Variants in RIMBP2 observed in about 807,000 individuals in gnomAD.
The protein encoded by RIMBP2 is RIMS-binding protein 2.
RIMBP2 carries 48 observed loss-of-function variants against 118.6 expected under a neutral mutation model. The ratio of observed to expected loss-of-function variants is 0.40; its 90% CI spans 0.32 to 0.51. RIMBP2 has a LOEUF of 0.51. Among genes scored for constraint, RIMBP2 ranks in the 20% least tolerant of loss-of-function variants. The pLI is 0.41. For missense variants in RIMBP2, 1,551 were observed against 1,768.3 expected, an observed-to-expected ratio of 0.88 and a Z score of 2.20; for synonymous variants, 762 against 742.9, an observed-to-expected ratio of 1.03 and a Z score of -0.42.
At chr12:130,614,531 T>C (rs1566370240) in intron 2 of RIMBP2, among the ~76,000 whole-genome samples, 1 of 152,106 alleles carries the variant, frequency 6.6e-6, no homozygotes, top group Non-Finnish European at 1.5e-5. Context: ...TGAGAAACCA[T>C]CTCTTGGAGG....
At chr12:130,686,628 G>A (rs1418454456) in intron 1 of RIMBP2, among the ~76,000 whole-genome samples, 1 of 152,248 alleles carries the variant, frequency 6.6e-6, no homozygotes, top group East Asian at 1.9e-4. Flanking sequence ...AGCAAACGCT[G>A]GCACAGCCGT....
intron 4 of RIMBP2, among the ~76,000 whole-genome samples, chr12:130,479,534 C>T (rs1028293078): frequency 2.6e-5 from 4 of 152,074 alleles, no homozygotes; most frequent in African/African-American, 7.2e-5. Flanking sequence ...GTCATCCTTG[C>T]CCATCGGGCA....
chr12:130,593,438 T>C (rs1460293649), intron 2 of RIMBP2, among the ~76,000 whole-genome samples: 1 of 152,250 alleles, frequency 6.6e-6, no homozygotes, highest in Non-Finnish European at 1.5e-5. Flanking sequence ...ACCAATCTTG[T>C]TAGCCGTGGG....
intron 3 of RIMBP2, among the ~76,000 whole-genome samples, chr12:130,513,601 A>G (rs2051144284): frequency 6.6e-6 from 1 of 152,206 alleles, no homozygotes; most frequent in African/African-American, 2.4e-5. Context: ...TTAGTTTTGC[A>G]GCTTCAAAGG....
At chr12:130,660,364 C>T (rs1033777083) in intron 1 of RIMBP2, 2 of 36,778 alleles carry the variant, frequency 5.4e-5, no homozygotes, top group African/African-American at 1.3e-4. Context: ...TCTCTGGAAT[C>T]TCATGGGAAT....
At position 130,451,237 on chromosome 12, in the gene RIMBP2, G is replaced by A; in HGVS notation, c.462C>T (p.Phe154=). 6.2e-7 allele frequency: 1 copy of A among 1,614,186 alleles called. No homozygotes were observed. The change falls in exon 8 of 23, where the codon TTC becomes TTT. Residue 154 remains phenylalanine, a synonymous_variant. Transcript: ENST00000690449. ...RPEPLSAKPT[F]LSRSGSARCR... ...ATCTTGCGCTACCGGATCTCGACAGGAAGGTGGGCTTGGCGGACAGAGGCT... is the reference window on the plus strand; with the variant it reads ...ATCTTGCGCTACCGGATCTCGACAGAAAGGTGGGCTTGGCGGACAGAGGCT...
chr12:130,654,129 T>G (rs922737217), intron 1 of RIMBP2, among the ~76,000 whole-genome samples: 2 of 152,238 alleles, frequency 1.3e-5, no homozygotes, highest in African/African-American at 4.8e-5. Flanking sequence ...TTGAAAATGC[T>G]TTTTCCTTCT....
intron 1 of RIMBP2, among the ~76,000 whole-genome samples, chr12:130,634,366 A>G (rs887900528): frequency 2.6e-5 from 4 of 152,182 alleles, no homozygotes; most frequent in Non-Finnish European, 4.4e-5. Context: ...GCTCACCTGC[A>G]CCAGGAGTCC....
In RIMBP2 at chr12:130,469,530, T is replaced by G. The variant is rs956304509; in HGVS notation, c.153+1163A>C. On this transcript the variant is annotated intron_variant, in intron 6 of 22. Coordinates refer to ENST00000690449, the MANE Select transcript of RIMBP2 (RefSeq NM_001393629.1). This position sits in a 1 kb window ranked among gnomAD's most constrained non-coding sequence, Gnocchi z 4.8. ...AGATAAATGGCCATTTGGAGGTCTGTTTCTATTCTCCCAGGTTATATATTT... is the reference window on the plus strand; with the variant it reads ...AGATAAATGGCCATTTGGAGGTCTGGTTCTATTCTCCCAGGTTATATATTT... Among the ~76,000 whole-genome samples, 6 of 152,176 alleles carry G rather than the reference T, an allele frequency of 3.9e-5. No individual in the cohort carries two copies. Among genetic ancestry groups the G allele is most frequent in the Non-Finnish European group, 8.8e-5 (6 of 68,024 alleles).
At chr12:130,656,927 T>C (rs1208363473) in intron 1 of RIMBP2, among the ~76,000 whole-genome samples, 3 of 152,086 alleles carry the variant, frequency 2.0e-5, no homozygotes, top group Admixed American at 2.0e-4. Flanking sequence ...TAAAACGGTC[T>C]CACTCTTTCA....
At chr12:130,409,060 T>C (rs1172921059) in intron 19 of RIMBP2, among the ~76,000 whole-genome samples, 1 of 152,214 alleles carries the variant, frequency 6.6e-6, no homozygotes, top group Non-Finnish European at 1.5e-5. Flanking sequence ...TTACAGGGAA[T>C]GTTACAAGTA....
intron 2 of RIMBP2, among the ~76,000 whole-genome samples, chr12:130,570,116 G>C (rs2057517296): frequency 6.6e-6 from 1 of 152,054 alleles, no homozygotes; most frequent in Admixed American, 6.6e-5. Flanking sequence ...CTCTCTCTCT[G>C]TGATGTATTA....
chr12:130,398,649 C>T (rs1311953976), intron 22 of RIMBP2: 2 of 152,540 alleles, frequency 1.3e-5, no homozygotes, highest in South Asian at 2.1e-4. Flanking sequence ...TCTGGCCACT[C>T]GAGCCAGTGT....
chr12:130,674,292 G>T (rs2064340960), intron 1 of RIMBP2, among the ~76,000 whole-genome samples: 1 of 152,102 alleles, frequency 6.6e-6, no homozygotes, highest in South Asian at 2.1e-4. Flanking sequence ...GGCCTCCCCA[G>T]CCATGCGTCC....
intron 1 of RIMBP2, among the ~76,000 whole-genome samples, chr12:130,712,187 G>A (rs918934613): frequency 4.6e-5 from 7 of 152,178 alleles, no homozygotes; most frequent in African/African-American, 9.7e-5. Flanking sequence ...GAGGCTGCAC[G>A]TTTAGACTAC....
In RIMBP2 at chr12:130,422,037, G is replaced by A. The variant is rs1172194575; in HGVS notation, c.3238+416C>T. Among the ~76,000 whole-genome samples, 8 of 152,194 alleles carry A rather than the reference G, an allele frequency of 5.3e-5. No individual in the cohort carries two copies. Among genetic ancestry groups the A allele is most frequent in the African/African-American group, 9.6e-5 (4 of 41,458 alleles). On this transcript the variant is annotated intron_variant, in intron 17 of 22. Coordinates refer to ENST00000690449, the MANE Select transcript of RIMBP2 (RefSeq NM_001393629.1). The surrounding 1 kb of genome is among the most constrained non-coding windows in gnomAD (Gnocchi z 5.2). ...CCCAGGATTTAGCTCTGCTGCCAGC[G>A]TGTCTTCTGCAGACAGGCAGCATTC...
chr12:130,489,929 T>G (rs992620348), intron 4 of RIMBP2, among the ~76,000 whole-genome samples: 10 of 151,932 alleles, frequency 6.6e-5, no homozygotes, highest in Admixed American at 1.3e-4. Flanking sequence ...ATCGAGACCA[T>G]CCTGGCCAAC....
In RIMBP2 at chr12:130,576,417, A is replaced by G. The variant is rs1390043786; in HGVS notation, c.-217+51905T>C. On this transcript the variant is annotated intron_variant, in intron 2 of 22. Transcript: ENST00000690449. The surrounding 1 kb of genome is among the most constrained non-coding windows in gnomAD (Gnocchi z 4.2). ...GCATGACCCTCAGAGCCCTAAACAC[A>G]CTACCCGTGGGCAGCTGGCAGGTGG... is the stretch of plus-strand genomic sequence containing the variant. 1.3e-5 allele frequency among the ~76,000 whole-genome samples: 2 copies of G among 151,936 alleles called. No individual in the cohort carries two copies. The highest frequency in any genetic ancestry group is 1.5e-5 in the Non-Finnish European group (1 of 67,974).
At chr12:130,666,063 G>A (rs957684940) in intron 1 of RIMBP2, among the ~76,000 whole-genome samples, 7 of 152,140 alleles carry the variant, frequency 4.6e-5, no homozygotes, top group African/African-American at 1.4e-4. Context: ...GGCAGTGAGT[G>A]GATCCTCAGG....
Sources: gnomAD v4.1 joint callset for allele counts (sites outside exome capture counted in the v4.1 genomes callset) on GRCh38, gnomAD v4.1.1 for gene constraint, Gnocchi (gnomAD v3.1) non-coding constraint, MANE v1.5 for transcripts, NCBI Gene and HGNC (gene_info 2026-07-23, HGNC 2026-07-21) for gene names.